KIF6: variants seen among roughly 807,000 people sequenced by gnomAD.
The protein encoded by KIF6 is kinesin-like protein KIF6.
Under a neutral mutation model 112.7 loss-of-function variants are expected in KIF6, and 106 were observed. The observed-to-expected ratio is 0.94, with a 90% CI of 0.80 to 1.11. KIF6 has a LOEUF of 1.11. KIF6 is among the 50% of genes least tolerant of loss of function. The pLI is 0.00. For synonymous variants in KIF6, 339 were observed against 339.9 expected, an observed-to-expected ratio of 1.00 and a Z score of 0.03; for missense variants, 929 against 964.0, an observed-to-expected ratio of 0.96 and a Z score of 0.48.
At chr6:39,555,081 A>C (rs1475811500) in intron 10 of KIF6, 2 of 152,896 alleles carry the variant, frequency 1.3e-5, no homozygotes, top group African/African-American at 4.8e-5. Context: ...TTCACTGCAC[A>C]GTTCTGGCCA....
chr6:39,468,308 T>C (rs1480573972), intron 13 of KIF6, among the ~76,000 whole-genome samples: 2 of 151,732 alleles, frequency 1.3e-5, no homozygotes, highest in Non-Finnish European at 1.5e-5. Context: ...GCAGAAAAAA[T>C]GTTTAAAGAA....
chr6:39,544,356 A>C (rs1439309873), intron 12 of KIF6, 199 bp downstream of exon 12: 1 of 437,238 alleles, frequency 2.3e-6, no homozygotes. Flanking sequence ...ATAAAAACAA[A>C]CACATTTTTT....
intron 13 of KIF6, among the ~76,000 whole-genome samples, chr6:39,455,523 T>C (rs921116196): frequency 2.0e-5 from 3 of 152,164 alleles, no homozygotes; most frequent in African/African-American, 7.2e-5. Context: ...GGATGGAGAA[T>C]GATTTTGACG....
At chr6:39,694,702 T>C (rs1788423470) in intron 3 of KIF6, among the ~76,000 whole-genome samples, 1 of 152,200 alleles carries the variant, frequency 6.6e-6, no homozygotes, top group Admixed American at 6.5e-5. Context: ...TCTATGTTCA[T>C]GGATTGTAAG....
At chr6:39,569,642 G>A (rs910405772) in intron 10 of KIF6, among the ~76,000 whole-genome samples, 1 of 152,212 alleles carries the variant, frequency 6.6e-6, no homozygotes. Context: ...AACTTTCAAA[G>A]GATGAAAGCA....
At chr6:39,495,297 TTGCAGCAGCGAGAG>T (rs900966364) in intron 13 of KIF6, among the ~76,000 whole-genome samples, 2 of 152,178 alleles carry the variant, frequency 1.3e-5, no homozygotes, top group African/African-American at 4.8e-5. Context: ...GTTTAGCGAT[TTGCAGCAGCGAGAG>T]TGCAGCAGCC....
intron 3 of KIF6, chr6:39,691,305 A>T (rs1788195195): frequency 6.6e-6 from 1 of 152,236 alleles, no homozygotes; most frequent in African/African-American, 2.4e-5. Flanking sequence ...AAGCTCCCTT[A>T]TGATAACCTT....
intron 22 of KIF6, among the ~76,000 whole-genome samples, chr6:39,341,622 G>A (rs929962601): frequency 1.3e-5 from 2 of 152,018 alleles, no homozygotes; most frequent in South Asian, 2.1e-4. Context: ...CTGTCTACTC[G>A]ACACCTCCTC....
At chr6:39,624,744 A>G (rs930478529) in intron 5 of KIF6, among the ~76,000 whole-genome samples, 3 of 152,182 alleles carry the variant, frequency 2.0e-5, no homozygotes, top group African/African-American at 7.2e-5. Context: ...ATGTCACTAA[A>G]AGCTCTAAAT....
chr6:39,715,505 A>ATC (rs1554155158), intron 2 of KIF6, among the ~76,000 whole-genome samples: 2 of 138,290 alleles, frequency 1.4e-5, no homozygotes, highest in Non-Finnish European at 3.1e-5. Context: ...CACAGAATCT[A>ATC]TTTTTTTTTT....
At chr6:39,614,950 G>A (rs1464183497) in intron 5 of KIF6, among the ~76,000 whole-genome samples, 1 of 152,090 alleles carries the variant, frequency 6.6e-6, no homozygotes, top group Non-Finnish European at 1.5e-5. Context: ...GGGGCTTATA[G>A]GTGAGAGAAG....
chr6:39,631,296 G>T (rs916687814), intron 5 of KIF6, among the ~76,000 whole-genome samples: 33 of 151,116 alleles, frequency 2.2e-4, no homozygotes, highest in African/African-American at 7.8e-4. Context: ...TTCTTTTACT[G>T]AAGTGACTAG....
At chr6:39,548,492 C>T (rs1404292582) in intron 10 of KIF6, among the ~76,000 whole-genome samples, 2 of 152,222 alleles carry the variant, frequency 1.3e-5, no homozygotes, top group African/African-American at 4.8e-5. Context: ...TTTTGACATG[C>T]TATTTTGCTT....
intron 6 of KIF6, among the ~76,000 whole-genome samples, chr6:39,599,255 T>C (rs934296022): frequency 2.6e-5 from 4 of 152,130 alleles, no homozygotes; most frequent in African/African-American, 4.8e-5. Context: ...AGTATTCATA[T>C]GAGTAAATAT....
intron 3 of KIF6, among the ~76,000 whole-genome samples, chr6:39,703,938 G>A (rs914625843): frequency 2.6e-5 from 4 of 152,160 alleles, no homozygotes; most frequent in African/African-American, 9.7e-5. Context: ...CTCTTTTGGA[G>A]GCTATCAAGG....
intron 5 of KIF6, among the ~76,000 whole-genome samples, chr6:39,621,328 C>T (rs189790307): frequency 3.9e-5 from 6 of 152,028 alleles, no homozygotes; most frequent in Admixed American, 6.6e-5. Flanking sequence ...CTGGGGGTGA[C>T]GTTACAAGAT....
chr6:39,578,608 G>C (rs1781114331), intron 9 of KIF6, among the ~76,000 whole-genome samples: 2 of 152,018 alleles, frequency 1.3e-5, no homozygotes, highest in African/African-American at 4.8e-5. Flanking sequence ...GAGTTTACAG[G>C]CATGAGCCAC....
chr6:39,518,056 A>G (rs1043701376), intron 13 of KIF6, among the ~76,000 whole-genome samples: 6 of 152,244 alleles, frequency 3.9e-5, no homozygotes, highest in African/African-American at 7.2e-5. Flanking sequence ...GCACCCCAGT[A>G]GCTGCTAGAC....
chr6:39,343,296 AC>A lies in KIF6; in HGVS notation c.2428+412del. On this transcript the variant is annotated intron_variant, in intron 22 of 22. Transcript: ENST00000287152. This position sits in a 1 kb window ranked among gnomAD's most constrained non-coding sequence, Gnocchi z 4.1. The stretch of plus-strand genomic sequence containing the variant: ...TTACACTCACAGCTCTTTGGCAAGA[AC>A]CACACTCTGATAGGGGAGTGAGACT... 7.7e-7 allele frequency: 1 copy of A among 1,292,068 alleles called. No homozygotes were observed. 80.0% of individuals were successfully genotyped at this position (1,292,068 alleles called of 1,614,324 possible).
Sources: gnomAD v4.1 joint callset for allele counts (sites outside exome capture counted in the v4.1 genomes callset) on GRCh38, gnomAD v4.1.1 for gene constraint, Gnocchi (gnomAD v3.1) non-coding constraint, MANE v1.5 for transcripts, NCBI Gene and HGNC (gene_info 2026-07-23, HGNC 2026-07-21) for gene names.